MBNL2: variants seen among roughly 807,000 people sequenced by gnomAD.
MBNL2 encodes the protein muscleblind-like protein 2.
A neutral mutation model predicts 41.9 loss-of-function variants in MBNL2; 17 were observed. The observed-to-expected ratio is 0.41, with a 90% CI of 0.28 to 0.61. The LOEUF is 0.61. Ranked by LOEUF, MBNL2 falls within the 20% of genes least tolerant of loss-of-function variation. The pLI, the probability that MBNL2 is intolerant of heterozygous loss-of-function variation, is 0.35. For synonymous variants in MBNL2, 195 were observed against 182.9 expected, an observed-to-expected ratio of 1.07 and a Z score of -0.53; for missense variants, 336 against 505.6, an observed-to-expected ratio of 0.66 and a Z score of 3.22.
chr13:97,319,211 G>A (rs2059299588), intron 2 of MBNL2, among the ~76,000 whole-genome samples: 1 of 150,614 alleles, frequency 6.6e-6, no homozygotes, highest in Non-Finnish European at 1.5e-5. Context: ...AGCATAAGAC[G>A]TGGGACACCC....
At chr13:97,376,412 G>T (rs2064972196) in intron 8 of MBNL2, among the ~76,000 whole-genome samples, 1 of 152,140 alleles carries the variant, frequency 6.6e-6, no homozygotes, top group East Asian at 1.9e-4. Flanking sequence ...CAAATTTGTT[G>T]ACTGGCATTT....
intron 1 of MBNL2, among the ~76,000 whole-genome samples, chr13:97,248,346 A>G (rs1464311085): frequency 6.6e-6 from 1 of 152,246 alleles, no homozygotes; most frequent in East Asian, 1.9e-4. Context: ...CATGTTGGCC[A>G]GGCTGGTCTT....
At chr13:97,211,837 G>A in the MBNL2 span, among the ~76,000 whole-genome samples, 1 of 152,204 alleles carries the variant, frequency 6.6e-6, no homozygotes, top group African/African-American at 2.4e-5. Context: ...GTCCTTGGGA[G>A]AATAGGCAGA....
chr13:97,367,805 C>T (rs887535333), intron 8 of MBNL2, among the ~76,000 whole-genome samples: 1 of 152,162 alleles, frequency 6.6e-6, no homozygotes, highest in African/African-American at 2.4e-5. Flanking sequence ...CAGCAATTCA[C>T]TCCCACCTCT....
At position 97,366,489 on chromosome 13, in the gene MBNL2, C is replaced by T. The variant is rs777233144; in HGVS notation, c.1048+1318C>T. 1 of 1,612,130 alleles carries T rather than the reference C, an allele frequency of 6.2e-7. No homozygotes were observed. Among genetic ancestry groups the T allele is most frequent in the South Asian group, 1.1e-5 (1 of 91,036 alleles). On this transcript the variant is annotated intron_variant, in intron 8 of 8. Coordinates refer to ENST00000679496, the MANE Select transcript of MBNL2 (RefSeq NM_001382683.1). This position sits in a 1 kb window ranked among gnomAD's most constrained non-coding sequence, Gnocchi z 4.7. ...ATGATGCACAGCGCTACGTCCGCCA[C>T]TGTCTCTGCAGCAACAACTCCTGCA...
At chr13:97,296,512 G>C (rs1031048053) in intron 2 of MBNL2, among the ~76,000 whole-genome samples, 1 of 152,132 alleles carries the variant, frequency 6.6e-6, no homozygotes, top group Non-Finnish European at 1.5e-5. Context: ...TATATCAGGA[G>C]CTAAGTGTGG....
intron 2 of MBNL2, among the ~76,000 whole-genome samples, chr13:97,320,674 G>A (rs2059425776): frequency 6.6e-6 from 1 of 152,034 alleles, no homozygotes; most frequent in Admixed American, 6.5e-5. Context: ...AGCACTTTGG[G>A]AGGCCGAGGT....
chr13:97,170,399 CACAA>C, the MBNL2 span, among the ~76,000 whole-genome samples: 3 of 152,302 alleles, frequency 2.0e-5, no homozygotes, highest in African/African-American at 4.8e-5. Context: ...CTGCCAGTTG[CACAA>C]ACAAAGATGA....
rs2040932669 is a variant in MBNL2 at position 97,222,344 on chromosome 13, G to A, written c.-792G>A. On this transcript the variant is annotated 5_prime_UTR_variant, in exon 1 of 9. Transcript: ENST00000679496. Reference sequence around the variant, plus strand: ...CAGCAACAGAGTTTAGACTGTCTTTGCTTCATCATCTGAAGGTAAAATTTT... The same window carrying A: ...CAGCAACAGAGTTTAGACTGTCTTTACTTCATCATCTGAAGGTAAAATTTT... The A allele has an allele frequency of 2.5e-6, 1 of 398,410 alleles. No individual in the cohort carries two copies. Among genetic ancestry groups the A allele is most frequent in the Non-Finnish European group, 4.4e-6 (1 of 226,010 alleles). The allele number at this position is 398,410 out of a possible 1,614,324, so 24.7% of individuals were successfully genotyped here.
Position 97,269,510 on chromosome 13 carries a change from A to T in MBNL2, c.-604-6122A>T, listed in dbSNP as rs566183050. On this transcript the variant is annotated intron_variant, in intron 1 of 8. Transcript: ENST00000679496. ...CTCCCTGCTCATCCAGGGCACTGTG[A>T]ATGGAAAAGCAGCTGCATTTCCACC... is the stretch of plus-strand genomic sequence containing the variant. Among the ~76,000 whole-genome samples, 3 of 152,130 alleles carry T rather than the reference A, an allele frequency of 2.0e-5. No individual in the cohort carries two copies. The East Asian group carries it at 5.8e-4, about 29-fold the overall frequency.
chr13:97,173,786 T>C, the MBNL2 span, among the ~76,000 whole-genome samples: 1 of 152,192 alleles, frequency 6.6e-6, no homozygotes, highest in Non-Finnish European at 1.5e-5. Context: ...ATCACCTGTC[T>C]CTGGAATATC....
At chr13:97,294,243 C>T (rs574439351) in intron 2 of MBNL2, among the ~76,000 whole-genome samples, 2 of 152,124 alleles carry the variant, frequency 1.3e-5, no homozygotes, top group African/African-American at 4.8e-5. Flanking sequence ...TCCAAAACCC[C>T]TCACCAATTA....
intron 5 of MBNL2, among the ~76,000 whole-genome samples, chr13:97,350,298 C>T (rs565207381): frequency 6.6e-6 from 1 of 152,244 alleles, no homozygotes; most frequent in African/African-American, 2.4e-5. Context: ...TTTAGTGAGT[C>T]GTATCTTTTT....
At chr13:97,231,745 G>A (rs1363812691) in intron 1 of MBNL2, among the ~76,000 whole-genome samples, 1 of 152,072 alleles carries the variant, frequency 6.6e-6, no homozygotes, top group African/African-American at 2.4e-5. Context: ...TTCCCCAAGA[G>A]ATTTGGTTAC....
At chr13:97,285,908 T>G (rs952501975) in intron 2 of MBNL2, among the ~76,000 whole-genome samples, 8 of 152,178 alleles carry the variant, frequency 5.3e-5, no homozygotes, top group Admixed American at 2.6e-4. Context: ...AATACTGGAC[T>G]CTCTCCAGAC....
At chr13:97,153,294 T>C in the MBNL2 span, among the ~76,000 whole-genome samples, 2 of 151,924 alleles carry the variant, frequency 1.3e-5, no homozygotes, top group African/African-American at 4.8e-5. Flanking sequence ...GAGGAGCACA[T>C]GCACGTGTGT....
the MBNL2 span, among the ~76,000 whole-genome samples, chr13:97,166,270 T>A: frequency 2.6e-5 from 4 of 152,240 alleles, no homozygotes; most frequent in Non-Finnish European, 5.9e-5. Context: ...CTGAAAACAA[T>A]CCTTGTGGTC....
chr13:97,322,632 A>C (rs1245483812), intron 2 of MBNL2, among the ~76,000 whole-genome samples: 3 of 152,122 alleles, frequency 2.0e-5, no homozygotes. Flanking sequence ...GTGTTGCTGA[A>C]AACGAAGGAA....
At chr13:97,144,778 G>T in the MBNL2 span, among the ~76,000 whole-genome samples, 1 of 152,098 alleles carries the variant, frequency 6.6e-6, no homozygotes, top group Non-Finnish European at 1.5e-5. Context: ...ACCACATGAC[G>T]GCGGAGGATG....
Sources: gnomAD v4.1 joint callset for allele counts (sites outside exome capture counted in the v4.1 genomes callset) on GRCh38, gnomAD v4.1.1 for gene constraint, Gnocchi (gnomAD v3.1) non-coding constraint, MANE v1.5 for transcripts, NCBI Gene and HGNC (gene_info 2026-07-23, HGNC 2026-07-21) for gene names.